Variants in OR7E24 observed in about 807,000 individuals in gnomAD.
OR7E24 encodes olfactory receptor family 7 subfamily E member 24.
For missense variants in OR7E24, 385 were observed against 410.3 expected (o/e 0.94, Z 0.53); for synonymous variants, 130 against 157.5 (o/e 0.83, Z 1.31).
At chr19:9,245,390 C>CA (rs1031157667), upstream of OR7E24, among the ~76,000 whole-genome samples, 1 of 151,834 alleles carries the variant, frequency 6.6e-6, no homozygotes, top group African/African-American at 2.4e-5. Flanking sequence ...AACAAACAAG[C>CA]AAAAAAACCT....
At chr19:9,222,054 A>G in the OR7E24 span, among the ~76,000 whole-genome samples, 3 of 152,106 alleles carry the variant, frequency 2.0e-5, no homozygotes, top group African/African-American at 7.2e-5. Flanking sequence ...AGTTTTCCCA[A>G]CACCATTTAT....
At chr19:9,235,374 A>C in the OR7E24 span, 2 of 1,506,776 alleles carry the variant, frequency 1.3e-6, no homozygotes, top group South Asian at 2.3e-5. Flanking sequence ...TCTGCACCAC[A>C]GTCCCCAAGA....
chr19:9,230,192 G>A, the OR7E24 span, among the ~76,000 whole-genome samples: 1 of 151,966 alleles, frequency 6.6e-6, no homozygotes, highest in Non-Finnish European at 1.5e-5. Context: ...TTACAGGCAG[G>A]CGCCACTACG....
the OR7E24 span, chr19:9,207,256 T>G: frequency 6.6e-6 from 1 of 152,254 alleles, no homozygotes; most frequent in Non-Finnish European, 1.5e-5. Flanking sequence ...ACAACATCCC[T>G]AAAACTTCAC....
chr19:9,223,781 A>G, the OR7E24 span, among the ~76,000 whole-genome samples: 4 of 147,076 alleles, frequency 2.7e-5, no homozygotes, highest in Non-Finnish European at 4.5e-5. Context: ...CTGCTCCCCA[A>G]TGGACCCTAG....
the OR7E24 span, chr19:9,235,442 A>C: frequency 3.1e-6 from 5 of 1,606,932 alleles, no homozygotes; most frequent in Non-Finnish European, 3.4e-6. Context: ...TGCCTCACTC[A>C]GGTGTATTTT....
At chr19:9,214,464 G>A in the OR7E24 span, 1 of 1,614,078 alleles carries the variant, frequency 6.2e-7, no homozygotes, top group Non-Finnish European at 8.5e-7. Flanking sequence ...GTGGCAGATG[G>A]CCACAAACCG....
the OR7E24 span, among the ~76,000 whole-genome samples, chr19:9,227,299 G>A: frequency 2.0e-5 from 3 of 151,128 alleles, no homozygotes; most frequent in Admixed American, 6.6e-5. Flanking sequence ...GCACGATCTC[G>A]GCTCACTGCA....
chr19:9,237,284 C>G, the OR7E24 span, among the ~76,000 whole-genome samples: 2 of 151,624 alleles, frequency 1.3e-5, no homozygotes, highest in African/African-American at 2.4e-5. Context: ...CCTTGTTCCT[C>G]TAGGTTTTTT....
the OR7E24 span, among the ~76,000 whole-genome samples, chr19:9,217,758 C>T: frequency 2.0e-5 from 3 of 152,048 alleles, no homozygotes; most frequent in East Asian, 3.9e-4. Context: ...AGGCTGGTCT[C>T]GAACTACTGA....
the OR7E24 span, chr19:9,210,179 A>T: frequency 6.6e-6 from 1 of 152,226 alleles, no homozygotes; most frequent in Non-Finnish European, 1.5e-5. Flanking sequence ...TTATTGATAC[A>T]CTGATAAATA....
At chr19:9,207,224 A>G in the OR7E24 span, 4 of 152,252 alleles carry the variant, frequency 2.6e-5, no homozygotes, top group African/African-American at 7.2e-5. Flanking sequence ...TGAAAGGGAA[A>G]ATAGAAAAGG....
the OR7E24 span, among the ~76,000 whole-genome samples, chr19:9,217,835 G>A: frequency 0.12 from 18,022 of 152,024 alleles, 1,758 homozygotes; most frequent in African/African-American, 0.26. Context: ...TACTGCACCT[G>A]GCCGGATCAT....
the OR7E24 span, among the ~76,000 whole-genome samples, chr19:9,222,021 C>G: frequency 6.6e-6 from 1 of 152,152 alleles, no homozygotes; most frequent in African/African-American, 2.4e-5. Flanking sequence ...TACCTAATTT[C>G]ATTCTTCTCT....
chr19:9,226,176 A>G, the OR7E24 span, among the ~76,000 whole-genome samples: 1 of 152,252 alleles, frequency 6.6e-6, no homozygotes, highest in East Asian at 1.9e-4. Flanking sequence ...TAGAAGGGCT[A>G]AGCCTTGTTT....
upstream of OR7E24, among the ~76,000 whole-genome samples, chr19:9,246,044 T>C (rs1253908060): frequency 6.7e-6 from 1 of 149,330 alleles, no homozygotes; most frequent in Non-Finnish European, 1.5e-5. Flanking sequence ...TGCAATTTGC[T>C]TATTATATCA....
chr19:9,242,444 T>C (rs991372190), upstream of OR7E24, among the ~76,000 whole-genome samples: 1 of 152,102 alleles, frequency 6.6e-6, no homozygotes, highest in Admixed American at 6.6e-5. Context: ...GAGATGGGGT[T>C]TTGCCATGTT....
At chr19:9,206,795 A>T in the OR7E24 span, 1 of 152,224 alleles carries the variant, frequency 6.6e-6, no homozygotes, top group African/African-American at 2.4e-5. Flanking sequence ...AATTATTTAC[A>T]TATTACATCT....
chr19:9,243,046 T>A (rs1041421914), upstream of OR7E24, among the ~76,000 whole-genome samples: 2 of 152,182 alleles, frequency 1.3e-5, no homozygotes, highest in South Asian at 2.1e-4. Flanking sequence ...TGTTCTCTCA[T>A]ATAGTTTAAT....
Sources: allele counts gnomAD v4.1 joint callset (sites outside exome capture counted in the v4.1 genomes callset), GRCh38; gene constraint gnomAD v4.1.1; transcripts MANE v1.5; gene names NCBI Gene and HGNC (gene_info 2026-07-23, HGNC 2026-07-21).